LRP1B: variants seen among roughly 807,000 people sequenced by gnomAD.
LRP1B encodes the protein LDL receptor related protein 1B, also known as low-density lipoprotein receptor-related protein 1B.
A neutral mutation model predicts 556.6 loss-of-function variants in LRP1B; 217 were observed. That is an observed-to-expected ratio of 0.39 (90% CI 0.35 to 0.44). LRP1B has a LOEUF of 0.44. Among genes scored for constraint, LRP1B ranks in the 20% least tolerant of loss-of-function variants. The pLI is 1.00. For synonymous variants in LRP1B, 2,047 were observed against 1,865.8 expected (o/e 1.10, Z -2.50); for missense variants, 5,053 against 5,620.8 (o/e 0.90, Z 3.23).
At chr2:141,877,719 C>T (rs1332647539) in intron 1 of LRP1B, among the ~76,000 whole-genome samples, 1 of 151,932 alleles carries the variant, frequency 6.6e-6, no homozygotes, top group Non-Finnish European at 1.5e-5. Context: ...TGGTGTTCAA[C>T]AGGATGCAGA....
chr2:141,543,616 T>C (rs1040203798), intron 2 of LRP1B, among the ~76,000 whole-genome samples: 9 of 151,066 alleles, frequency 6.0e-5, no homozygotes, highest in Non-Finnish European at 1.2e-4. Flanking sequence ...TCCTAGCTAC[T>C]GAAAAGGCTG....
intron 14 of LRP1B, among the ~76,000 whole-genome samples, chr2:141,008,156 C>T (rs1370712043): frequency 6.6e-6 from 1 of 151,152 alleles, no homozygotes; most frequent in African/African-American, 2.4e-5. Flanking sequence ...AAATATGGTG[C>T]TAAAAATTTT....
chr2:140,508,062 G>C (rs1428695050), intron 52 of LRP1B, among the ~76,000 whole-genome samples: 1 of 152,086 alleles, frequency 6.6e-6, no homozygotes, highest in East Asian at 1.9e-4. Context: ...CCTCAAAACA[G>C]TTCACTACAA....
intron 31 of LRP1B, among the ~76,000 whole-genome samples, chr2:140,838,509 GAATT>G (rs1300781795): frequency 1.3e-5 from 2 of 151,718 alleles, no homozygotes; most frequent in African/African-American, 4.8e-5. Context: ...CACATGAAAA[GAATT>G]ATTTATTGCA....
chr2:140,421,921 G>A (rs373426918), intron 66 of LRP1B, among the ~76,000 whole-genome samples: 6 of 152,130 alleles, frequency 3.9e-5, no homozygotes, highest in Admixed American at 2.0e-4. Context: ...TCCTGCAGAC[G>A]AAGGGATGAA....
intron 35 of LRP1B, among the ~76,000 whole-genome samples, chr2:140,741,538 A>G (rs1371015275): frequency 1.3e-5 from 2 of 152,100 alleles, no homozygotes; most frequent in African/African-American, 4.8e-5. Context: ...TACATGGGTA[A>G]ATTGCATATC....
At chr2:141,031,880 CCAACTTA>C (rs1166504465) in intron 11 of LRP1B, among the ~76,000 whole-genome samples, 1 of 151,346 alleles carries the variant, frequency 6.6e-6, no homozygotes, top group African/African-American at 2.4e-5. Flanking sequence ...TTTGAAGTAA[CCAACTTA>C]CAACTTATAT....
At chr2:141,482,443 TAACA>T (rs1682952844) in intron 2 of LRP1B, among the ~76,000 whole-genome samples, 2 of 152,074 alleles carry the variant, frequency 1.3e-5, no homozygotes, top group African/African-American at 4.8e-5. Flanking sequence ...TCATTTTCTG[TAACA>T]TGCTTCTGTA....
At chr2:142,011,646 C>G (rs2105156569) in intron 1 of LRP1B, among the ~76,000 whole-genome samples, 1 of 152,164 alleles carries the variant, frequency 6.6e-6, no homozygotes, top group African/African-American at 2.4e-5. Context: ...CCATTGTAAT[C>G]AATACTTTTA....
intron 2 of LRP1B, among the ~76,000 whole-genome samples, chr2:141,572,948 T>C (rs2105266077): frequency 6.6e-6 from 1 of 152,248 alleles, no homozygotes; most frequent in South Asian, 2.1e-4. Context: ...CCCAGATTCA[T>C]AAAACAAGTT....
chr2:141,998,497 G>A (rs75885977), intron 1 of LRP1B, among the ~76,000 whole-genome samples: 29,136 of 151,898 alleles, frequency 0.19, 3,151 homozygotes, highest in South Asian at 0.26. Context: ...GAGGCAAAAA[G>A]GTTATTTTTA....
In LRP1B at chr2:141,621,446, T is replaced by G. The variant is rs118183474; in HGVS notation, c.206-140913A>C. ...AATACAGAGATGAATTCAGGCAAACTTTTATCATCAGTGTTACATAAGGCT... is the reference window on the plus strand; with the variant it reads ...AATACAGAGATGAATTCAGGCAAACGTTTATCATCAGTGTTACATAAGGCT... On this transcript the variant is annotated intron_variant, in intron 2 of 90. Coordinates refer to ENST00000389484, the MANE Select transcript of LRP1B (RefSeq NM_018557.3). Among the ~76,000 whole-genome samples the G allele has an allele frequency of 2.6e-4, 40 of 152,268 alleles. No individual in the cohort carries two copies. In the East Asian group the frequency reaches 6.4e-3, roughly 24 times the overall value.
At chr2:141,667,969 A>T (rs998991173) in intron 2 of LRP1B, among the ~76,000 whole-genome samples, 1 of 152,218 alleles carries the variant, frequency 6.6e-6, no homozygotes, top group African/African-American at 2.4e-5. Context: ...TTACATAATA[A>T]TACATAACCA....
intron 2 of LRP1B, among the ~76,000 whole-genome samples, chr2:141,505,049 A>G (rs1683870864): frequency 6.6e-6 from 1 of 151,894 alleles, no homozygotes; most frequent in Middle Eastern, 3.2e-3. Context: ...AATTTTGAAT[A>G]ATACATTTAT....
chr2:140,362,298 C>T (rs7607749), intron 72 of LRP1B, among the ~76,000 whole-genome samples: 10,565 of 151,674 alleles, frequency 0.07, 406 homozygotes, highest in Middle Eastern at 0.14. Context: ...TTGCAGGTAT[C>T]TCTGCTGTCT....
At position 140,953,907 on chromosome 2, in the gene LRP1B, C is replaced by A. The variant is rs570253090; in HGVS notation, c.2888-1967G>T. Among the ~76,000 whole-genome samples, 6 of 152,206 alleles carry A rather than the reference C, an allele frequency of 3.9e-5. No homozygotes were observed. In the East Asian group the frequency reaches 9.7e-4, roughly 24 times the overall value. ...CACTCTTTGTACTACACTCTATTACCAATTTCCTATCTCACTTTCCCTTAC... is the reference window on the plus strand; with the variant it reads ...CACTCTTTGTACTACACTCTATTACAAATTTCCTATCTCACTTTCCCTTAC... On this transcript the variant is annotated intron_variant, in intron 18 of 90. Coordinates refer to ENST00000389484, the MANE Select transcript of LRP1B (RefSeq NM_018557.3).
chr2:141,121,354 C>T (rs1701043057), intron 7 of LRP1B, among the ~76,000 whole-genome samples: 2 of 152,010 alleles, frequency 1.3e-5, no homozygotes, highest in African/African-American at 4.8e-5. Context: ...AGGAGTATAT[C>T]ATTTAATCAC....
intron 27 of LRP1B, among the ~76,000 whole-genome samples, chr2:140,856,718 C>T (rs1364504539): frequency 1.3e-5 from 2 of 151,242 alleles, no homozygotes; most frequent in Non-Finnish European, 2.9e-5. Context: ...AGGTGATACG[C>T]TGGCGGGAAC....
chr2:141,861,179 C>T (rs1245420985), intron 1 of LRP1B, among the ~76,000 whole-genome samples: 2 of 152,078 alleles, frequency 1.3e-5, no homozygotes, highest in East Asian at 3.9e-4. Context: ...TTGCCTTTGG[C>T]CCTATTTGAC....
Sources: allele counts gnomAD v4.1 joint callset (sites outside exome capture counted in the v4.1 genomes callset), GRCh38; gene constraint gnomAD v4.1.1; transcripts MANE v1.5; gene names NCBI Gene and HGNC (gene_info 2026-07-23, HGNC 2026-07-21).